The following ROBO2 variants were observed in gnomAD, a reference collection of about 807,000 sequenced individuals.
The protein encoded by ROBO2 is roundabout homolog 2.
A neutral mutation model predicts 160.8 loss-of-function variants in ROBO2; 53 were observed. That is an observed-to-expected ratio of 0.33 (90% CI 0.26 to 0.41). ROBO2 has a LOEUF of 0.41. ROBO2 is among the 10% of genes least tolerant of loss of function. ROBO2 has a pLI of 1.00. For synonymous variants in ROBO2, 664 were observed against 611.7 expected (o/e 1.09, Z -1.26); for missense variants, 1,577 against 1,722.4 (o/e 0.92, Z 1.49).
At chr3:75,982,026 T>G (rs1292734608) in intron 2 of ROBO2, among the ~76,000 whole-genome samples, 1 of 151,602 alleles carries the variant, frequency 6.6e-6, no homozygotes, top group Non-Finnish European at 1.5e-5. Flanking sequence ...ATGTGATGTT[T>G]GTCTTTCTGT....
chr3:77,346,522 A>G (rs2067660725), intron 2 of ROBO2, among the ~76,000 whole-genome samples: 1 of 152,118 alleles, frequency 6.6e-6, no homozygotes, highest in Non-Finnish European at 1.5e-5. Flanking sequence ...TTAAAACCAC[A>G]CTCATTTATT....
At chr3:76,778,910 A>G (rs2062450908) in intron 2 of ROBO2, among the ~76,000 whole-genome samples, 1 of 151,124 alleles carries the variant, frequency 6.6e-6, no homozygotes, top group Admixed American at 6.6e-5. Context: ...ACGAAAGCCT[A>G]TCAAATTGTC....
At chr3:76,083,097 G>A (rs1164523107) in intron 2 of ROBO2, among the ~76,000 whole-genome samples, 1 of 152,070 alleles carries the variant, frequency 6.6e-6, no homozygotes, top group African/African-American at 2.4e-5. Flanking sequence ...AATGTAATAT[G>A]AACACCTTTG....
chr3:75,953,669 G>A (rs1948628776), intron 2 of ROBO2, among the ~76,000 whole-genome samples: 1 of 151,726 alleles, frequency 6.6e-6, no homozygotes, highest in African/African-American at 2.4e-5. Flanking sequence ...GTGTATATAG[G>A]CCCCTTTCAA....
At chr3:76,019,115 G>A (rs1303830680) in intron 2 of ROBO2, among the ~76,000 whole-genome samples, 4 of 151,556 alleles carry the variant, frequency 2.6e-5, no homozygotes, top group Non-Finnish European at 4.4e-5. Context: ...GCGTATCTGC[G>A]AATACTGTGT....
In ROBO2 at chr3:77,595,817, A is replaced by G. The variant is rs147258805; in HGVS notation, c.2726+633A>G. On this transcript the variant is annotated intron_variant, in intron 18 of 25. Coordinates refer to ENST00000461745, the Ensembl canonical transcript of ROBO2. ...GAAAGCGGTTGGGTCTTCTTATTGC[A>G]GTTTCCATAGAAACACATGTTTCTC... is the stretch of plus-strand genomic sequence containing the variant. 2.0e-3 allele frequency among the ~76,000 whole-genome samples: 311 copies of G among 152,266 alleles called. 2 individuals are homozygous for G. The highest frequency in any genetic ancestry group is 7.3e-3 in the African/African-American group (302 of 41,572).
chr3:77,176,866 A>G (rs1464766551), intron 2 of ROBO2, among the ~76,000 whole-genome samples: 2 of 151,972 alleles, frequency 1.3e-5, no homozygotes, highest in Non-Finnish European at 2.9e-5. Context: ...CAATACTGAG[A>G]CTGAACAAAG....
At chr3:77,512,409 A>G (rs140435364) in intron 5 of ROBO2, among the ~76,000 whole-genome samples, 70 of 152,074 alleles carry the variant, frequency 4.6e-4, no homozygotes, top group Middle Eastern at 3.4e-3. Context: ...GAAAGTTTAT[A>G]TTTCATAGAA....
chr3:76,924,046 C>T (rs112184433), intron 2 of ROBO2, among the ~76,000 whole-genome samples: 1 of 152,078 alleles, frequency 6.6e-6, no homozygotes. Context: ...TTTTCCACTT[C>T]TCCGTGAATA....
intron 2 of ROBO2, among the ~76,000 whole-genome samples, chr3:76,163,622 T>C (rs2072721675): frequency 6.6e-6 from 1 of 151,610 alleles, no homozygotes; most frequent in Non-Finnish European, 1.5e-5. Context: ...TATAATAAAG[T>C]GAATATTGCA....
chr3:77,018,154 G>A (rs990861984), intron 2 of ROBO2, among the ~76,000 whole-genome samples: 10 of 152,164 alleles, frequency 6.6e-5, no homozygotes, highest in African/African-American at 2.4e-4. Context: ...CCAGGCTGGA[G>A]TGCAGTGGCG....
chr3:77,503,511 G>C (rs1392623271), intron 5 of ROBO2, among the ~76,000 whole-genome samples: 1 of 149,844 alleles, frequency 6.7e-6, no homozygotes, highest in Non-Finnish European at 1.5e-5. Context: ...GCCACAGAGA[G>C]AGAGTCCGTC....
At chr3:76,025,644 C>T (rs1235584740) in intron 2 of ROBO2, among the ~76,000 whole-genome samples, 1 of 151,660 alleles carries the variant, frequency 6.6e-6, no homozygotes, top group Non-Finnish European at 1.5e-5. Context: ...CTAAAAACAT[C>T]ATGGAATTAG....
intron 6 of ROBO2, among the ~76,000 whole-genome samples, chr3:77,546,124 T>G (rs2092687443): frequency 6.6e-6 from 1 of 152,170 alleles, no homozygotes; most frequent in Admixed American, 6.5e-5. Flanking sequence ...GTACAACATA[T>G]AAAATACGTC....
intron 1 of ROBO2, among the ~76,000 whole-genome samples, chr3:77,058,165 C>G (rs2065946068): frequency 6.6e-6 from 1 of 151,978 alleles, no homozygotes; most frequent in South Asian, 2.1e-4. Flanking sequence ...ACTAAGCTTC[C>G]AAGTATCACC....
chr3:76,007,255 G>T (rs1224403306), intron 2 of ROBO2, among the ~76,000 whole-genome samples: 1 of 152,020 alleles, frequency 6.6e-6, no homozygotes, highest in African/African-American at 2.4e-5. Context: ...CACAGCTTGA[G>T]AAAATGTTTT....
At chr3:77,091,730 G>A (rs1037386971) in intron 1 of ROBO2, among the ~76,000 whole-genome samples, 48 of 152,160 alleles carry the variant, frequency 3.2e-4, no homozygotes, top group South Asian at 2.3e-3. Flanking sequence ...TGTAATCCCA[G>A]CACTTCTGGA....
intron 2 of ROBO2, among the ~76,000 whole-genome samples, chr3:76,868,832 A>AT (rs144122538): frequency 0.13 from 19,110 of 151,988 alleles, 1,379 homozygotes; most frequent in East Asian, 0.25. Context: ...GCTAATGTGT[A>AT]TTTTTTCTCT....
intron 2 of ROBO2, among the ~76,000 whole-genome samples, chr3:76,622,075 G>A (rs1473183818): frequency 7.7e-6 from 1 of 130,274 alleles, no homozygotes; most frequent in Non-Finnish European, 1.7e-5. Flanking sequence ...CTATTCTTGT[G>A]GCTCATGTGT....
Sources: gnomAD v4.1 joint callset for allele counts (sites outside exome capture counted in the v4.1 genomes callset) on GRCh38, gnomAD v4.1.1 for gene constraint, MANE v1.5 for transcripts, NCBI Gene and HGNC (gene_info 2026-07-23, HGNC 2026-07-21) for gene names.